Variants in SMIM20 observed in about 807,000 individuals in gnomAD.
The protein encoded by SMIM20 is mitochondrial translation regulation assembly intermediate of cytochrome c oxidase protein of 7 kDa.
Under a neutral mutation model 8.7 loss-of-function variants are expected in SMIM20, and 3 were observed. That is an observed-to-expected ratio of 0.34 (90% CI 0.16 to 0.89). SMIM20 has a LOEUF of 0.89. Among genes scored for constraint, SMIM20 ranks in the 40% least tolerant of loss-of-function variants. The probability of loss-of-function intolerance (pLI) is 0.49; values close to 1 mark genes in which losing one functional copy is unlikely to be tolerated. For missense variants in SMIM20, 85 were observed against 84.8 expected (o/e 1.00, Z -0.01); for synonymous variants, 44 against 33.6 (o/e 1.31, Z -1.07).
intron 1 of SMIM20, among the ~76,000 whole-genome samples, chr4:25,915,976 A>C (rs1384094511): frequency 6.6e-6 from 1 of 152,046 alleles, no homozygotes; most frequent in Non-Finnish European, 1.5e-5. Flanking sequence ...CCAGCTTAAA[A>C]TTCGAGTGGT....
In SMIM20 at chr4:25,929,263, G is replaced by T; in HGVS notation, c.*72G>T. On this transcript the variant is annotated 3_prime_UTR_variant, in exon 3 of 3. Transcript: ENST00000506197. Reference sequence around the variant, plus strand: ...TTCGATTCTGCATGGGGTACAGCCAGTCACCTCACCAGAGAATGACGGCTG... The same window carrying T: ...TTCGATTCTGCATGGGGTACAGCCATTCACCTCACCAGAGAATGACGGCTG... 1 of 1,485,228 alleles carries T rather than the reference G, an allele frequency of 6.7e-7. No homozygotes were observed. Among genetic ancestry groups the T allele is most frequent in the South Asian group, 1.2e-5 (1 of 82,126 alleles). The allele number at this position is 1,485,228 out of a possible 1,614,324, so 92.0% of individuals were successfully genotyped here. A position where few individuals can be genotyped will look rare whatever the true frequency, so the allele number is the denominator to read the frequency against.
chr4:25,919,045 C>CA (rs1719149799), intron 1 of SMIM20, among the ~76,000 whole-genome samples: 1 of 150,410 alleles, frequency 6.6e-6, no homozygotes, highest in South Asian at 2.1e-4. Flanking sequence ...GCTGGGACTA[C>CA]AGGCGCCCGC....
At chr4:25,923,627 GTGAGAC>G (rs1719237187) in intron 1 of SMIM20, among the ~76,000 whole-genome samples, 1 of 152,216 alleles carries the variant, frequency 6.6e-6, no homozygotes, top group African/African-American at 2.4e-5. Flanking sequence ...GGGGAGAGCT[GTGAGAC>G]CTCAGTTCTG....
At chr4:25,924,134 AGT>A (rs1719246739) in intron 1 of SMIM20, among the ~76,000 whole-genome samples, 1 of 152,230 alleles carries the variant, frequency 6.6e-6, no homozygotes, top group African/African-American at 2.4e-5. Flanking sequence ...ACTCACCACC[AGT>A]GAACCTCCAG....
rs536164086 is a variant in SMIM20, at chr4:25,914,300, C to T, written c.-14C>T. 2 of 1,548,922 alleles carry T rather than the reference C, an allele frequency of 1.3e-6. No homozygotes were observed. The highest frequency in any genetic ancestry group is 1.7e-6 in the Non-Finnish European group (2 of 1,145,116). On this transcript the variant is annotated 5_prime_UTR_variant, in exon 1 of 3. Coordinates refer to ENST00000506197, the MANE Select transcript of SMIM20 (RefSeq NM_001145432.3). ...GGGCGGTCGGCGGGTCAGGGCAGCC[C>T]GGGGCCTGACGCCATGTCCCGGAAC...
chr4:25,924,613 T>C (rs967656758), intron 1 of SMIM20, among the ~76,000 whole-genome samples: 27 of 152,224 alleles, frequency 1.8e-4, no homozygotes, highest in African/African-American at 6.5e-4. Context: ...ATATATAACA[T>C]ACAGATACAT....
intron 1 of SMIM20, among the ~76,000 whole-genome samples, chr4:25,925,909 G>A (rs912507941): frequency 1.3e-5 from 2 of 152,132 alleles, no homozygotes; most frequent in Non-Finnish European, 2.9e-5. Flanking sequence ...TTGGCCCCTG[G>A]ACCAGAGATA....
At chr4:25,928,232 T>TGTCATTG in intron 1 of SMIM20, 81 bp from the exon 2 acceptor site, 2 of 1,351,180 alleles carry the variant, frequency 1.5e-6, no homozygotes, top group Non-Finnish European at 2.0e-6. Context: ...AATTGTCCCA[T>TGTCATTG]GTCATTGGCC....
chr4:25,915,864 G>GC (rs1462846829), intron 1 of SMIM20, among the ~76,000 whole-genome samples: 12 of 126,776 alleles, frequency 9.5e-5, no homozygotes, highest in Non-Finnish European at 1.5e-4. Flanking sequence ...TGGGGCGGGG[G>GC]GGGGGTCGAG....
intron 1 of SMIM20, among the ~76,000 whole-genome samples, chr4:25,923,535 C>A (rs760992160): frequency 2.3e-4 from 35 of 152,328 alleles, no homozygotes; most frequent in Non-Finnish European, 4.3e-4. Context: ...AACTCCTTGA[C>A]CTTGCCTGTA....
intron 2 of SMIM20, among the ~76,000 whole-genome samples, chr4:25,928,785 C>T (rs1711579740): frequency 1.3e-5 from 2 of 152,170 alleles, no homozygotes; most frequent in Admixed American, 1.3e-4. Flanking sequence ...TAAAAAGCTC[C>T]CTTTATGGCT....
intron 1 of SMIM20, among the ~76,000 whole-genome samples, chr4:25,923,706 C>T (rs1459443599): frequency 1.3e-5 from 2 of 152,208 alleles, no homozygotes; most frequent in East Asian, 3.9e-4. Flanking sequence ...GGAGGCTATG[C>T]CTAGGCAGCA....
chr4:25,920,651 A>G (rs1719179938), intron 1 of SMIM20, among the ~76,000 whole-genome samples: 1 of 152,246 alleles, frequency 6.6e-6, no homozygotes, highest in Non-Finnish European at 1.5e-5. Context: ...AGTAGTGTAC[A>G]GTAATGTCTT....
intron 1 of SMIM20, among the ~76,000 whole-genome samples, chr4:25,926,052 G>C (rs558797143): frequency 2.5e-4 from 38 of 152,194 alleles, no homozygotes; most frequent in Non-Finnish European, 8.8e-5. Context: ...TTTCACTCCT[G>C]ATAGAAATGT....
In SMIM20 at chr4:25,917,933, G is replaced by GTTTT. The variant is rs1252198807; in HGVS notation, c.109+3520_109+3523dup. Reference sequence around the variant, plus strand: ...TTGCTTTGGGGCCTGGTACAGGTCAGTTTTTTTTTTTTGTTTTTTTTTTTT... The same window carrying GTTTT: ...TTGCTTTGGGGCCTGGTACAGGTCAGTTTTTTTTTTTTTTTTGTTTTTTTTTTTT... On this transcript the variant is annotated intron_variant, in intron 1 of 2. Transcript: ENST00000506197. 3.5e-3 allele frequency among the ~76,000 whole-genome samples: 489 copies of GTTTT among 139,076 alleles called. 4 individuals are homozygous for GTTTT. Among genetic ancestry groups the GTTTT allele is most frequent in the African/African-American group, 0.012 (460 of 37,716 alleles). The allele number at this position is 139,076 out of a possible 152,430, so 91.2% of individuals were successfully genotyped here. A position where few individuals can be genotyped will look rare whatever the true frequency, so the allele number is the denominator to read the frequency against.
At chr4:25,920,773 A>G (rs28670125) in intron 1 of SMIM20, among the ~76,000 whole-genome samples, 1,657 of 152,306 alleles carry the variant, frequency 0.011, 25 homozygotes, top group African/African-American at 0.035. Flanking sequence ...TCTTTTATAC[A>G]GTGTTTTTAC....
chr4:25,922,089 ATTAAG>A (rs1298035319), intron 1 of SMIM20, among the ~76,000 whole-genome samples: 19 of 152,332 alleles, frequency 1.2e-4, no homozygotes, highest in Non-Finnish European at 2.6e-4. Context: ...ATTGAAGTGT[ATTAAG>A]TTGACTATTA....
At chr4:25,916,440 G>A (rs918728574) in intron 1 of SMIM20, among the ~76,000 whole-genome samples, 5 of 151,070 alleles carry the variant, frequency 3.3e-5, no homozygotes, top group African/African-American at 1.2e-4. Context: ...TCGAACTCCT[G>A]ACCTTAGGTG....
chr4:25,927,559 CTT>C (rs1711538241), intron 1 of SMIM20, among the ~76,000 whole-genome samples: 1 of 152,194 alleles, frequency 6.6e-6, no homozygotes, highest in Non-Finnish European at 1.5e-5. Flanking sequence ...GGCTCTAAGG[CTT>C]TCTCCTGAAA....
Sources: allele counts gnomAD v4.1 joint callset (sites outside exome capture counted in the v4.1 genomes callset), GRCh38; gene constraint gnomAD v4.1.1; transcripts MANE v1.5; gene names NCBI Gene and HGNC (gene_info 2026-07-23, HGNC 2026-07-21).